Variants in RUVBL2 observed in about 807,000 individuals in gnomAD.
The protein encoded by RUVBL2 is ruvB-like 2.
A neutral mutation model predicts 57.9 loss-of-function variants in RUVBL2; 9 were observed. The observed-to-expected ratio is 0.16, with a 90% CI of 0.09 to 0.27. RUVBL2 has a LOEUF of 0.27. Ranked by LOEUF, RUVBL2 falls within the 10% of genes least tolerant of loss-of-function variation. RUVBL2 has a pLI of 1.00. For missense variants in RUVBL2, 456 were observed against 669.6 expected, an observed-to-expected ratio of 0.68 and a Z score of 3.52; for synonymous variants, 278 against 264.6, an observed-to-expected ratio of 1.05 and a Z score of -0.49.
intron 8 of RUVBL2, 21 bp from the exon 9 acceptor site, chr19:49,010,467 T>TGGGCCCCC: frequency 7.1e-7 from 1 of 1,401,204 alleles, no homozygotes; most frequent in Non-Finnish European, 9.9e-7. Context: ...CCGCCGTTCT[T>TGGGCCCCC]CCCCCACCCC....
intron 2 of RUVBL2, among the ~76,000 whole-genome samples, chr19:49,001,190 C>A (rs1336603585): frequency 1.4e-5 from 2 of 148,036 alleles, no homozygotes; most frequent in Non-Finnish European, 3.0e-5. Flanking sequence ...GAGACGGAGT[C>A]TCGCTCTGTC....
At chr19:49,007,959 G>C (rs1600185177) in intron 6 of RUVBL2, among the ~76,000 whole-genome samples, 1 of 149,850 alleles carries the variant, frequency 6.7e-6, no homozygotes, top group Admixed American at 6.6e-5. Flanking sequence ...TGCCCACCTT[G>C]GCCTCCCAAA....
rs1011555795 is a variant in RUVBL2 at position 49,011,417 on chromosome 19, G to C, written c.1001+107G>C. 2 of 841,888 alleles carry C rather than the reference G, an allele frequency of 2.4e-6. No homozygotes were observed. The highest frequency in any genetic ancestry group is 3.9e-6 in the Non-Finnish European group (2 of 511,852). The allele number at this position is 841,888 out of a possible 1,614,324, so 52.2% of individuals were successfully genotyped here. On this transcript the variant is annotated intron_variant, in intron 11 of 14. Transcript: ENST00000595090. This position sits in a 1 kb window ranked among gnomAD's most constrained non-coding sequence, Gnocchi z 4.4. ...TTGACACCGGGTCAGGGAGGGACGC[G>C]TGACTGCAGTGTGCGCTCTTTGCTT...
intron 2 of RUVBL2, among the ~76,000 whole-genome samples, chr19:49,002,269 C>T (rs532581289): frequency 3.3e-5 from 5 of 152,100 alleles, no homozygotes; most frequent in South Asian, 2.1e-4. Context: ...AGGCTAGTCT[C>T]GAACTCCTGA....
intron 11 of RUVBL2, among the ~76,000 whole-genome samples, chr19:49,013,787 G>A (rs756752829): frequency 1.3e-5 from 2 of 152,318 alleles, no homozygotes; most frequent in South Asian, 2.1e-4. Flanking sequence ...GATGGCGTGC[G>A]CCTGTAGACC....
At chr19:49,005,640 AT>A (rs150154178) in intron 4 of RUVBL2, among the ~76,000 whole-genome samples, 7,760 of 120,326 alleles carry the variant, frequency 0.064, 575 homozygotes, top group African/African-American at 0.19. Flanking sequence ...ACTCTTCTTC[AT>A]TTTTTTTTTT....
chr19:48,999,493 C>G, intron 2 of RUVBL2, 120 bp downstream of exon 2: 1 of 983,198 alleles, frequency 1.0e-6, no homozygotes, highest in Non-Finnish European at 1.6e-6. Context: ...ACTGTGCCCC[C>G]ACTACCATTC....
intron 6 of RUVBL2, among the ~76,000 whole-genome samples, chr19:49,008,707 G>A (rs969551127): frequency 4.0e-5 from 6 of 151,672 alleles, no homozygotes; most frequent in African/African-American, 1.5e-4. Context: ...GCTGGGCGCG[G>A]TGGTTCATGC....
At chr19:48,993,780 GC>G (rs952071463), upstream of RUVBL2, 87 of 1,235,110 alleles carry the variant, frequency 7.0e-5, no homozygotes, top group African/African-American at 1.2e-3. Context: ...GTCCCGCCAC[GC>G]CCCCACAATA....
rs776332240 is a variant in RUVBL2, at chr19:49,007,007, C to T, written c.266-11C>T. 1.9e-6 allele frequency: 3 copies of T among 1,612,326 alleles called. No homozygotes were observed. The highest frequency in any genetic ancestry group is 2.5e-6 in the Non-Finnish European group (3 of 1,179,616). On this transcript the variant is annotated splice_polypyrimidine_tract_variant and intron_variant, in intron 4 of 14. Coordinates refer to ENST00000595090, the MANE Select transcript of RUVBL2 (RefSeq NM_006666.3). ...GAGCGGCTTCACCTACACAGACTGC[C>T]TCCTTCCCAGGCATGGCGCAGGCCC...
At position 49,005,855 on chromosome 19, in the gene RUVBL2, C is replaced by T. The variant is rs1047953650; in HGVS notation, c.266-1163C>T. On this transcript the variant is annotated intron_variant, in intron 4 of 14. Transcript: ENST00000595090. Reference sequence around the variant, plus strand: ...TTCACCATGTTGACCAGGCTGGTCCCGAACTCCTGACCTCAGGTGATCCAC... The same window carrying T: ...TTCACCATGTTGACCAGGCTGGTCCTGAACTCCTGACCTCAGGTGATCCAC... Among the ~76,000 whole-genome samples, 5 of 152,308 alleles carry T rather than the reference C, an allele frequency of 3.3e-5. No individual in the cohort carries two copies. In the East Asian group the frequency reaches 7.7e-4, roughly 24 times the overall value.
chr19:48,998,166 G>A (rs2039101015), intron 1 of RUVBL2, among the ~76,000 whole-genome samples: 1 of 152,206 alleles, frequency 6.6e-6, no homozygotes, highest in Admixed American at 6.5e-5. Flanking sequence ...AACTAGCCTG[G>A]CAGGGCTGTT....
intron 8 of RUVBL2, 21 bp from the exon 9 acceptor site, chr19:49,010,467 T>TGCCCCCCCCCCCCCCCC: frequency 7.1e-7 from 1 of 1,401,208 alleles, no homozygotes; most frequent in Non-Finnish European, 9.9e-7. Context: ...CCGCCGTTCT[T>TGCCCCCCCCCCCCCCCC]CCCCCACCCC....
intron 11 of RUVBL2, among the ~76,000 whole-genome samples, chr19:49,012,965 A>G (rs1188701217): frequency 6.7e-6 from 1 of 148,564 alleles, no homozygotes; most frequent in African/African-American, 2.5e-5. Context: ...ATGCCTAGCT[A>G]ATTTCTGTTT....
In RUVBL2 at chr19:49,003,253, A is replaced by C. The variant is rs750076035; in HGVS notation, c.68-26A>C. ...TGTGCAGCAAGCTGGCTAGTAACTGAGTCTTTGTTCTTTCCCTTCATGTAG... is the reference window on the plus strand; with the variant it reads ...TGTGCAGCAAGCTGGCTAGTAACTGCGTCTTTGTTCTTTCCCTTCATGTAG... On this transcript the variant is annotated intron_variant, in intron 2 of 14. Transcript: ENST00000595090. The C allele has an allele frequency of 2.5e-6, 4 of 1,579,628 alleles. No homozygotes were observed. In the African/African-American group the frequency reaches 5.4e-5, roughly 21 times the overall value.
intron 6 of RUVBL2, among the ~76,000 whole-genome samples, chr19:49,007,787 C>T (rs969917719): frequency 6.6e-6 from 1 of 152,150 alleles, no homozygotes; most frequent in Non-Finnish European, 1.5e-5. Flanking sequence ...TCACTGCAAC[C>T]TCTGCCTCCC....
chr19:49,003,859 A>T (rs1188010449), intron 3 of RUVBL2, among the ~76,000 whole-genome samples: 1 of 151,834 alleles, frequency 6.6e-6, no homozygotes, highest in Non-Finnish European at 1.5e-5. Flanking sequence ...TCACACTTGT[A>T]ATCCCAATAC....
In RUVBL2 at chr19:48,997,581, A is replaced by G. The variant is rs191354732; in HGVS notation, c.13-1738A>G. Among the ~76,000 whole-genome samples the G allele has an allele frequency of 3.3e-3, 494 of 150,558 alleles. 9 individuals carry two copies. Among genetic ancestry groups the G allele is most frequent in the Non-Finnish European group, 6.2e-3 (418 of 67,716 alleles). ...GAAGCAGAGGTTGTAGTGAGCCAAGATTGCGCCATTGCACTCCAGCCTAGG... is the reference window on the plus strand; with the variant it reads ...GAAGCAGAGGTTGTAGTGAGCCAAGGTTGCGCCATTGCACTCCAGCCTAGG... On this transcript the variant is annotated intron_variant, in intron 1 of 14. Transcript: ENST00000595090.
In RUVBL2 at chr19:49,011,168, C is replaced by T. The variant is rs775870321; in HGVS notation, c.883-24C>T. 4 of 1,610,212 alleles carry T rather than the reference C, an allele frequency of 2.5e-6. No individual in the cohort carries two copies. In the East Asian group the frequency reaches 6.7e-5, roughly 27 times the overall value. On this transcript the variant is annotated intron_variant, in intron 10 of 14. Coordinates refer to ENST00000595090, the MANE Select transcript of RUVBL2 (RefSeq NM_006666.3). The surrounding 1 kb of genome is among the most constrained non-coding windows in gnomAD (Gnocchi z 4.4). ...GGGGAAGTGGGGACGCGGGTGGTGACTCTCACACACACCCCAATCCAAGGT... is the reference window on the plus strand; with the variant it reads ...GGGGAAGTGGGGACGCGGGTGGTGATTCTCACACACACCCCAATCCAAGGT...
Sources: allele counts gnomAD v4.1 joint callset (sites outside exome capture counted in the v4.1 genomes callset), GRCh38; gene constraint gnomAD v4.1.1; non-coding constraint Gnocchi (gnomAD v3.1); transcripts MANE v1.5; gene names NCBI Gene and HGNC (gene_info 2026-07-23, HGNC 2026-07-21).